Variants in BMPR1B observed in about 807,000 individuals in gnomAD.
BMPR1B encodes the protein bone morphogenetic protein receptor type-1B.
Under a neutral mutation model 59.1 loss-of-function variants are expected in BMPR1B, and 12 were observed. The ratio of observed to expected loss-of-function variants is 0.20; its 90% CI spans 0.13 to 0.33. The LOEUF is 0.33. Among genes scored for constraint, BMPR1B ranks in the 10% least tolerant of loss-of-function variants. The pLI, the probability that BMPR1B is intolerant of heterozygous loss-of-function variation, is 1.00. For synonymous variants in BMPR1B, 237 were observed against 207.3 expected, an observed-to-expected ratio of 1.14 and a Z score of -1.23; for missense variants, 550 against 610.9, an observed-to-expected ratio of 0.90 and a Z score of 1.05.
intron 3 of BMPR1B, among the ~76,000 whole-genome samples, chr4:95,061,659 A>G (rs1727408102): frequency 6.6e-6 from 1 of 152,236 alleles, no homozygotes; most frequent in Admixed American, 6.5e-5. Flanking sequence ...TCTCACTATT[A>G]GTACTAGAGT....
intron 3 of BMPR1B, among the ~76,000 whole-genome samples, chr4:95,080,256 A>T (rs946496365): frequency 6.6e-6 from 1 of 152,194 alleles, no homozygotes; most frequent in Non-Finnish European, 1.5e-5. Flanking sequence ...GTATGTATGT[A>T]TATAAAGTCT....
At chr4:94,957,349 T>G (rs1198580077) in intron 2 of BMPR1B, among the ~76,000 whole-genome samples, 1 of 149,976 alleles carries the variant, frequency 6.7e-6, no homozygotes, top group Non-Finnish European at 1.5e-5. Context: ...TTTTTTTTTT[T>G]TTTTTTTTTT....
intron 1 of BMPR1B, among the ~76,000 whole-genome samples, chr4:94,826,871 G>A (rs558188758): frequency 3.4e-4 from 52 of 152,204 alleles, no homozygotes; most frequent in Non-Finnish European, 5.7e-4. Flanking sequence ...CCAATAAAAT[G>A]TAGGAATTAA....
chr4:95,021,652 A>G (rs1269793825), intron 3 of BMPR1B, among the ~76,000 whole-genome samples: 1 of 152,202 alleles, frequency 6.6e-6, no homozygotes, highest in Non-Finnish European at 1.5e-5. Context: ...TAGGGCAGAA[A>G]TGCTATGCAA....
intron 1 of BMPR1B, among the ~76,000 whole-genome samples, chr4:94,796,380 T>C (rs1360498059): frequency 6.6e-6 from 1 of 152,224 alleles, no homozygotes; most frequent in Non-Finnish European, 1.5e-5. Context: ...AATGGTAGAC[T>C]TTGTAAAATC....
chr4:95,003,968 C>A (rs1722644264), intron 3 of BMPR1B, among the ~76,000 whole-genome samples: 2 of 151,778 alleles, frequency 1.3e-5, no homozygotes, highest in South Asian at 2.1e-4. Context: ...CCACCATGCC[C>A]AGCTGATTTT....
intron 3 of BMPR1B, 152 bp downstream of exon 3, chr4:94,996,286 T>A (rs772723493): frequency 6.6e-6 from 1 of 152,246 alleles, no homozygotes; most frequent in Non-Finnish European, 1.5e-5. Flanking sequence ...CAGAGCCGTT[T>A]TGTGTACTGC....
chr4:94,981,005 A>ACG, intron 2 of BMPR1B, among the ~76,000 whole-genome samples: 1 of 122,798 alleles, frequency 8.1e-6, no homozygotes, highest in South Asian at 2.4e-4. Flanking sequence ...ACACACACAC[A>ACG]CACACACACA....
chr4:94,848,555 T>A (rs1725433796), intron 1 of BMPR1B, among the ~76,000 whole-genome samples: 1 of 152,120 alleles, frequency 6.6e-6, no homozygotes, highest in Non-Finnish European at 1.5e-5. Flanking sequence ...ATCAGAGAGG[T>A]AACAGGCACC....
At chr4:94,940,012 C>G (rs546612879) in intron 2 of BMPR1B, among the ~76,000 whole-genome samples, 6 of 152,276 alleles carry the variant, frequency 3.9e-5, no homozygotes, top group African/African-American at 9.6e-5. Flanking sequence ...TCCCTCACCC[C>G]CTTCCTTTGT....
rs1484930991 is a variant in BMPR1B, at chr4:95,155,907, A to T, written c.*1234A>T. 1.3e-5 allele frequency: 2 copies of T among 152,210 alleles called. No homozygotes were observed. Among genetic ancestry groups the T allele is most frequent in the Non-Finnish European group, 2.9e-5 (2 of 68,030 alleles). The allele number at this position is 152,210 out of a possible 1,614,324, so 9.4% of individuals were successfully genotyped here. A position where few individuals can be genotyped will look rare whatever the true frequency, so the allele number is the denominator to read the frequency against. On this transcript the variant is annotated 3_prime_UTR_variant, in exon 13 of 13. Transcript: ENST00000515059. ...ACCTCTAGATGGGACAGCAGAGGAC[A>T]GTTAGTAGAGGCCACAAACTGTTAT...
intron 2 of BMPR1B, among the ~76,000 whole-genome samples, chr4:94,970,423 C>T (rs1471188300): frequency 6.6e-6 from 1 of 152,074 alleles, no homozygotes; most frequent in African/African-American, 2.4e-5. Context: ...TGAAGCTATT[C>T]TCCTGCCTCA....
chr4:94,860,146 G>T (rs1279378964), intron 1 of BMPR1B, among the ~76,000 whole-genome samples: 1 of 152,110 alleles, frequency 6.6e-6, no homozygotes, highest in Non-Finnish European at 1.5e-5. Flanking sequence ...TGATGTGAGG[G>T]ATTGTAAGTT....
intron 2 of BMPR1B, among the ~76,000 whole-genome samples, chr4:94,905,733 C>T (rs1381388782): frequency 6.6e-6 from 1 of 151,960 alleles, no homozygotes; most frequent in African/African-American, 2.4e-5. Flanking sequence ...CCTCTGGCTT[C>T]TATGGCTTAA....
chr4:94,962,401 G>A (rs1730404786), intron 2 of BMPR1B, among the ~76,000 whole-genome samples: 1 of 152,116 alleles, frequency 6.6e-6, no homozygotes. Flanking sequence ...GCCTCCCAAA[G>A]TGCTAGGATT....
chr4:95,125,949 G>A (rs1176175155), intron 8 of BMPR1B, among the ~76,000 whole-genome samples: 1 of 152,050 alleles, frequency 6.6e-6, no homozygotes, highest in Non-Finnish European at 1.5e-5. Flanking sequence ...CTGGGCTCTA[G>A]CATCACCTTT....
At chr4:94,800,942 A>C (rs1411885222) in intron 1 of BMPR1B, among the ~76,000 whole-genome samples, 1 of 152,220 alleles carries the variant, frequency 6.6e-6, no homozygotes, top group Non-Finnish European at 1.5e-5. Flanking sequence ...ATAGGAAATC[A>C]GGAAAAGAAG....
rs995276950 is a variant in BMPR1B at position 95,024,619 on chromosome 4, T to C, written c.-18+28485T>C. ...TCAATTATGCCAGTCACAGTATAGA[T>C]GCTTGCGACATTGTTGTGAACATGA... On this transcript the variant is annotated intron_variant, in intron 3 of 12. Transcript: ENST00000515059. Among the ~76,000 whole-genome samples, 5 of 152,196 alleles carry C rather than the reference T, an allele frequency of 3.3e-5. No individual in the cohort carries two copies. The East Asian group carries it at 9.6e-4, about 29-fold the overall frequency.
At chr4:94,966,506 T>C (rs765854013) in intron 2 of BMPR1B, among the ~76,000 whole-genome samples, 6 of 152,146 alleles carry the variant, frequency 3.9e-5, no homozygotes, top group Non-Finnish European at 7.4e-5. Context: ...AAAAGACATA[T>C]GACTGCTTAT....
Sources: gnomAD v4.1 joint callset for allele counts (sites outside exome capture counted in the v4.1 genomes callset) on GRCh38, gnomAD v4.1.1 for gene constraint, MANE v1.5 for transcripts, NCBI Gene and HGNC (gene_info 2026-07-23, HGNC 2026-07-21) for gene names.